Variants in GSK3B observed in about 807,000 individuals in gnomAD.
The protein encoded by GSK3B is glycogen synthase kinase-3 beta.
In GSK3B, 15 loss-of-function variants were observed where a neutral mutation model predicts 56.4. The observed-to-expected ratio is 0.27, with a 90% CI of 0.18 to 0.41. The LOEUF (loss-of-function observed/expected upper bound fraction) is 0.41. Ranked by LOEUF, GSK3B falls within the 10% of genes least tolerant of loss-of-function variation. GSK3B has a pLI of 1.00. For synonymous variants in GSK3B, 181 were observed against 188.9 expected (o/e 0.96, Z 0.34); for missense variants, 300 against 513.4 (o/e 0.58, Z 4.02).
At chr3:120,022,911 G>A (rs577767638) in intron 1 of GSK3B, among the ~76,000 whole-genome samples, 4 of 152,334 alleles carry the variant, frequency 2.6e-5, no homozygotes, top group South Asian at 2.1e-4. Flanking sequence ...TAGGACATCC[G>A]ATGCCAAAGC....
intron 6 of GSK3B, 68 bp downstream of exon 6, chr3:119,912,636 T>C: frequency 3.0e-6 from 2 of 664,886 alleles, no homozygotes; most frequent in South Asian, 2.2e-5. Flanking sequence ...TACAGATTAG[T>C]AGTACTAAAT....
intron 1 of GSK3B, among the ~76,000 whole-genome samples, chr3:120,048,083 T>C (rs1198808352): frequency 6.6e-6 from 1 of 152,224 alleles, no homozygotes; most frequent in Non-Finnish European, 1.5e-5. Context: ...ACTATGTAAA[T>C]ACAATTACAA....
chr3:119,891,602 T>C (rs950601796), intron 7 of GSK3B, among the ~76,000 whole-genome samples: 1 of 152,124 alleles, frequency 6.6e-6, no homozygotes, highest in African/African-American at 2.4e-5. Flanking sequence ...TTTTAAGAGA[T>C]GGAAATTTTT....
intron 1 of GSK3B, among the ~76,000 whole-genome samples, chr3:120,016,045 C>G (rs1409224958): frequency 1.3e-5 from 2 of 152,156 alleles, no homozygotes; most frequent in Admixed American, 1.3e-4. Context: ...CCAAATAATT[C>G]TGGTTTCTTT....
chr3:119,899,765 A>C (rs1047895862), intron 7 of GSK3B, among the ~76,000 whole-genome samples: 1 of 152,052 alleles, frequency 6.6e-6, no homozygotes, highest in Non-Finnish European at 1.5e-5. Flanking sequence ...TCTTAGAAAA[A>C]ATCAACATCA....
At chr3:119,849,578 T>C (rs2055900632) in intron 9 of GSK3B, among the ~76,000 whole-genome samples, 1 of 152,208 alleles carries the variant, frequency 6.6e-6, no homozygotes, top group Non-Finnish European at 1.5e-5. Context: ...ATTTACTCTC[T>C]TTTACCACAT....
chr3:120,084,948 A>G (rs2107581058), intron 1 of GSK3B, among the ~76,000 whole-genome samples: 1 of 152,326 alleles, frequency 6.6e-6, no homozygotes, highest in Non-Finnish European at 1.5e-5. Flanking sequence ...TAATTTATGT[A>G]TGTATACACA....
At chr3:119,948,752 G>A (rs894702389) in intron 2 of GSK3B, among the ~76,000 whole-genome samples, 13 of 152,212 alleles carry the variant, frequency 8.5e-5, no homozygotes, top group African/African-American at 3.1e-4. Context: ...AGGCTGGAGT[G>A]CAATGGCGTG....
intron 3 of GSK3B, among the ~76,000 whole-genome samples, chr3:119,942,994 A>G (rs1303048158): frequency 6.6e-6 from 1 of 152,200 alleles, no homozygotes; most frequent in Non-Finnish European, 1.5e-5. Flanking sequence ...AATAATTCCA[A>G]CCAGAAAACT....
intron 1 of GSK3B, among the ~76,000 whole-genome samples, chr3:120,075,939 A>C (rs1031342991): frequency 2.6e-5 from 4 of 152,184 alleles, no homozygotes; most frequent in African/African-American, 7.2e-5. Flanking sequence ...GGAAAAAAAA[A>C]AGTTGGGGGC....
intron 6 of GSK3B, 113 bp from the exon 7 acceptor site, chr3:119,905,965 AT>A: frequency 1.4e-6 from 1 of 694,394 alleles, no homozygotes. Flanking sequence ...ACAGGAAAAG[AT>A]TATACAATCC....
intron 1 of GSK3B, among the ~76,000 whole-genome samples, chr3:120,021,953 C>T (rs1231955626): frequency 6.6e-6 from 1 of 152,166 alleles, no homozygotes; most frequent in Admixed American, 6.5e-5. Flanking sequence ...CCCAGCTAAT[C>T]AGGAGGCAGA....
rs1420585877 is a variant in GSK3B at position 119,979,275 on chromosome 3, C to T, written c.282+22771G>A. 3.9e-5 allele frequency among the ~76,000 whole-genome samples: 6 copies of T among 152,290 alleles called. No individual in the cohort carries two copies. In the Middle Eastern group the frequency reaches 0.01, roughly 259 times the overall value. Reference sequence around the variant, plus strand: ...CTTCTACCTTAAATCCCAACCCTACCTGTGTCAAGCTTGTACCTCTTATAA... The same window carrying T: ...CTTCTACCTTAAATCCCAACCCTACTTGTGTCAAGCTTGTACCTCTTATAA... On this transcript the variant is annotated intron_variant, in intron 2 of 10. Transcript: ENST00000264235.
intron 1 of GSK3B, among the ~76,000 whole-genome samples, chr3:120,082,419 AAG>A (rs1184615314): frequency 4.1e-4 from 46 of 111,374 alleles, no homozygotes; most frequent in African/African-American, 1.6e-3. Context: ...TTTTTTGAGA[AAG>A]AGTCTTGCTG....
At chr3:119,961,413 A>C (rs2057270196) in intron 2 of GSK3B, among the ~76,000 whole-genome samples, 1 of 152,150 alleles carries the variant, frequency 6.6e-6, no homozygotes, top group South Asian at 2.1e-4. Context: ...AGATCACTTA[A>C]GGCCAGGAGT....
rs1282703727 is a variant in GSK3B, at chr3:119,861,884, T to A, written c.1096+1535A>T. Among the ~76,000 whole-genome samples, 4 of 152,194 alleles carry A rather than the reference T, an allele frequency of 2.6e-5. No homozygotes were observed. The East Asian group carries it at 7.7e-4, about 29-fold the overall frequency. On this transcript the variant is annotated intron_variant, in intron 9 of 10. Coordinates refer to ENST00000264235, the MANE Select transcript of GSK3B (RefSeq NM_001146156.2). Reference sequence around the variant, plus strand: ...TCATTAAGCAATACATGACTGTGTTTACAGGGTCCACTTTTTCACTGATAC... The same window carrying A: ...TCATTAAGCAATACATGACTGTGTTAACAGGGTCCACTTTTTCACTGATAC...
At chr3:120,013,913 T>C (rs1027334217) in intron 1 of GSK3B, among the ~76,000 whole-genome samples, 5 of 150,562 alleles carry the variant, frequency 3.3e-5, no homozygotes, top group African/African-American at 1.2e-4. Context: ...CTCAAGCCTA[T>C]AATTCCAGCA....
chr3:120,085,881 T>C (rs1375636874), intron 1 of GSK3B, among the ~76,000 whole-genome samples: 3 of 152,152 alleles, frequency 2.0e-5, no homozygotes, highest in South Asian at 4.1e-4. Flanking sequence ...ATAAGATACC[T>C]TTCCTTGGAA....
intron 3 of GSK3B, among the ~76,000 whole-genome samples, chr3:119,931,337 C>T (rs948249171): frequency 2.6e-5 from 4 of 152,182 alleles, no homozygotes; most frequent in East Asian, 3.8e-4. Flanking sequence ...CTAAATAGGC[C>T]GGGCACAGTG....
Sources: allele counts gnomAD v4.1 joint callset (sites outside exome capture counted in the v4.1 genomes callset), GRCh38; gene constraint gnomAD v4.1.1; transcripts MANE v1.5; gene names NCBI Gene and HGNC (gene_info 2026-07-23, HGNC 2026-07-21).